The following CLYBL variants were observed in gnomAD, a reference collection of about 807,000 sequenced individuals.
CLYBL encodes the protein citramalyl-CoA lyase.
In CLYBL, 31 loss-of-function variants were observed where a neutral mutation model predicts 38.9. The observed-to-expected ratio is 0.80, with a 90% CI of 0.60 to 1.08. The LOEUF is 1.08. Ranked by LOEUF, CLYBL falls within the 50% of genes least tolerant of loss-of-function variation. The probability of loss-of-function intolerance (pLI) is 0.00; values close to 1 mark genes in which losing one functional copy is unlikely to be tolerated. For synonymous variants in CLYBL, 171 were observed against 158.6 expected, an observed-to-expected ratio of 1.08 and a Z score of -0.59; for missense variants, 434 against 411.6, an observed-to-expected ratio of 1.05 and a Z score of -0.47.
At chr13:99,884,977 G>C (rs765905573) in intron 7 of CLYBL, 20 of 477,208 alleles carry the variant, frequency 4.2e-5, no homozygotes, top group Admixed American at 2.6e-4. Flanking sequence ...TTCTATTCAG[G>C]TAGGTCGGTA....
intron 1 of CLYBL, among the ~76,000 whole-genome samples, chr13:99,634,567 A>C (rs568982484): frequency 6.6e-6 from 1 of 152,330 alleles, no homozygotes; most frequent in East Asian, 1.9e-4. Flanking sequence ...GAAAAGGGGA[A>C]GAGATTGAGA....
intron 4 of CLYBL, among the ~76,000 whole-genome samples, chr13:99,863,322 T>C (rs1212473939): frequency 6.6e-6 from 1 of 152,236 alleles, no homozygotes; most frequent in African/African-American, 2.4e-5. Context: ...GTCCAAAATA[T>C]TTAAATGAAG....
chr13:99,760,895 A>G (rs951866762), intron 1 of CLYBL, among the ~76,000 whole-genome samples: 3 of 152,194 alleles, frequency 2.0e-5, no homozygotes, highest in African/African-American at 7.2e-5. Flanking sequence ...TCTTCTAGCT[A>G]TTTGGAAATA....
intron 1 of CLYBL, among the ~76,000 whole-genome samples, chr13:99,655,032 A>G (rs1242259685): frequency 6.6e-6 from 1 of 151,820 alleles, no homozygotes; most frequent in Non-Finnish European, 1.5e-5. Context: ...CACCAGGCCT[A>G]AGAACCCATG....
At chr13:99,670,298 A>G (rs1262144462) in intron 1 of CLYBL, among the ~76,000 whole-genome samples, 1 of 152,184 alleles carries the variant, frequency 6.6e-6, no homozygotes, top group African/African-American at 2.4e-5. Context: ...TTGAGGCTAT[A>G]GTGAGCTATG....
chr13:99,817,611 C>T (rs1209953208), intron 2 of CLYBL, among the ~76,000 whole-genome samples: 2 of 145,082 alleles, frequency 1.4e-5, no homozygotes, highest in Admixed American at 7.0e-5. Flanking sequence ...GCAGAGACGG[C>T]GCCACTGCAC....
rs747611539 is a variant in CLYBL at position 99,866,291 on chromosome 13, T to G, written c.686T>G (p.Ile229Ser). ...GATATTCTCTACGCCCGGCAAAAGA[T>G]TGTTGTCATAGCGAAAGCCTTTGGT... ...TLDILYARQK[I>S]VVIAKAFGLQ... The change falls in exon 6 of 9, where the codon ATT becomes AGT. Residue 229 changes from isoleucine (I) to serine (S), a missense_variant. Ile to Ser is a moderately radical substitution (Grantham distance 142, BLOSUM62 -2). Transcript: ENST00000339105. 2.5e-6 allele frequency: 4 copies of G among 1,614,068 alleles called. No homozygotes were observed. Among genetic ancestry groups the G allele is most frequent in the Non-Finnish European group, 2.5e-6 (3 of 1,180,014 alleles).
intron 2 of CLYBL, among the ~76,000 whole-genome samples, chr13:99,848,921 C>T (rs554151838): frequency 6.6e-6 from 1 of 152,274 alleles, no homozygotes; most frequent in African/African-American, 2.4e-5. Flanking sequence ...GGCAGATCAC[C>T]TGAGGCTTGG....
chr13:99,880,253 C>T (rs141145203), intron 7 of CLYBL, among the ~76,000 whole-genome samples: 6 of 151,544 alleles, frequency 4.0e-5, no homozygotes, highest in Non-Finnish European at 5.9e-5. Context: ...TTGGTAGAGA[C>T]GGGGTTTCAC....
intron 1 of CLYBL, chr13:99,726,432 T>A (rs950466916): frequency 6.6e-6 from 1 of 152,096 alleles, no homozygotes; most frequent in Non-Finnish European, 1.5e-5. Flanking sequence ...GAAGCATGTC[T>A]TTGAATAGAT....
chr13:99,883,771 T>A (rs1363096151), intron 7 of CLYBL, among the ~76,000 whole-genome samples: 1 of 152,148 alleles, frequency 6.6e-6, no homozygotes, highest in Admixed American at 6.5e-5. Flanking sequence ...CACTTCTCTG[T>A]GTCCCCTTCC....
chr13:99,777,157 G>A (rs773776424), intron 2 of CLYBL, among the ~76,000 whole-genome samples: 5 of 151,968 alleles, frequency 3.3e-5, no homozygotes, highest in Non-Finnish European at 5.9e-5. Context: ...GGGATTACAG[G>A]CCACCGCACC....
chr13:99,743,944 T>C (rs1038478399), intron 1 of CLYBL, among the ~76,000 whole-genome samples: 2 of 151,068 alleles, frequency 1.3e-5, no homozygotes, highest in African/African-American at 4.9e-5. Context: ...TACACTCCAC[T>C]TTCTTTTTTT....
intron 1 of CLYBL, among the ~76,000 whole-genome samples, chr13:99,769,188 A>G (rs959411679): frequency 6.6e-6 from 1 of 152,240 alleles, no homozygotes; most frequent in Non-Finnish European, 1.5e-5. Flanking sequence ...ACATGGGCAC[A>G]GCTGCCTACC....
intron 2 of CLYBL, among the ~76,000 whole-genome samples, chr13:99,777,496 C>CTTTTTTT (rs200830971): frequency 7.0e-6 from 1 of 143,248 alleles, no homozygotes; most frequent in Admixed American, 7.0e-5. Flanking sequence ...CTTTTCTTTT[C>CTTTTTTT]TTTTTTTTTT....
At chr13:99,899,529 G>T (rs1197001963), downstream of CLYBL, among the ~76,000 whole-genome samples, 1 of 152,120 alleles carries the variant, frequency 6.6e-6, no homozygotes, top group African/African-American at 2.4e-5. Context: ...GTGGGGCAAT[G>T]GGGAGTTACT....
At chr13:99,814,643 G>A (rs2050406850) in intron 2 of CLYBL, among the ~76,000 whole-genome samples, 2 of 151,588 alleles carry the variant, frequency 1.3e-5, no homozygotes, top group Non-Finnish European at 2.9e-5. Context: ...CAGGAGGACT[G>A]CTTGAACCTA....
chr13:99,884,134 T>C (rs1212358464), intron 7 of CLYBL, among the ~76,000 whole-genome samples: 2 of 152,126 alleles, frequency 1.3e-5, no homozygotes. Flanking sequence ...GGGATTACAC[T>C]ACCACACTGG....
chr13:99,887,270 C>T (rs2052374215), intron 7 of CLYBL, among the ~76,000 whole-genome samples: 1 of 152,100 alleles, frequency 6.6e-6, no homozygotes, highest in South Asian at 2.1e-4. Context: ...TTCAGGGGGT[C>T]ACAGAACACA....
Sources: allele counts gnomAD v4.1 joint callset (sites outside exome capture counted in the v4.1 genomes callset), GRCh38; gene constraint gnomAD v4.1.1; transcripts MANE v1.5; gene names NCBI Gene and HGNC (gene_info 2026-07-23, HGNC 2026-07-21).